COL4A1: variants seen among roughly 807,000 people sequenced by gnomAD.
The protein encoded by COL4A1 is collagen alpha-1(IV) chain.
Under a neutral mutation model 216.6 loss-of-function variants are expected in COL4A1, and 40 were observed. The observed-to-expected ratio is 0.18, with a 90% CI of 0.14 to 0.24. The LOEUF (loss-of-function observed/expected upper bound fraction) is 0.24, where lower values mean the gene tolerates loss of function less well. COL4A1 is among the 10% of genes least tolerant of loss of function. The pLI, the probability that COL4A1 is intolerant of heterozygous loss-of-function variation, is 1.00. For missense variants in COL4A1, 1,628 were observed against 2,196.8 expected, an observed-to-expected ratio of 0.74 and a Z score of 5.18; for synonymous variants, 839 against 810.7, an observed-to-expected ratio of 1.03 and a Z score of -0.59.
At position 110,206,206 on chromosome 13, in the gene COL4A1, A is replaced by G. The variant is rs374965533; in HGVS notation, c.858+459T>C. 3.3e-5 allele frequency among the ~76,000 whole-genome samples: 5 copies of G among 152,352 alleles called. No homozygotes were observed. The South Asian group carries it at 1.0e-3, about 32-fold the overall frequency. ...TGCTTCATTTAATGCAGGTTTCTGC[A>G]TGCTCCTTCCAGGTAGAAACCAGAA... On this transcript the variant is annotated intron_variant, in intron 15 of 51. Coordinates refer to ENST00000375820, the MANE Select transcript of COL4A1 (RefSeq NM_001845.6).
chr13:110,205,049 T>A (rs1879425973), intron 17 of COL4A1, among the ~76,000 whole-genome samples: 1 of 152,158 alleles, frequency 6.6e-6, no homozygotes, highest in Admixed American at 6.5e-5. Flanking sequence ...ACAGAAAAAA[T>A]TAGGTAAGCT....
chr13:110,209,801 G>A, intron 10 of COL4A1, 179 bp downstream of exon 10: 1 of 805,930 alleles, frequency 1.2e-6, no homozygotes, highest in Non-Finnish European at 2.2e-6. Flanking sequence ...CACAGCTCTG[G>A]GTATATGGGT....
chr13:110,218,693 C>T (rs903529070), intron 2 of COL4A1, among the ~76,000 whole-genome samples: 3 of 152,170 alleles, frequency 2.0e-5, no homozygotes, highest in African/African-American at 7.2e-5. Context: ...GTCGCCTTTG[C>T]AGTCCAAGCA....
rs1883063741 is a variant in COL4A1, at chr13:110,267,049, T to C, written c.85-24315A>G. Among the ~76,000 whole-genome samples, 7 of 152,224 alleles carry C rather than the reference T, an allele frequency of 4.6e-5. No homozygotes were observed. In the South Asian group the frequency reaches 1.5e-3, roughly 32 times the overall value. On this transcript the variant is annotated intron_variant, in intron 1 of 51. Coordinates refer to ENST00000375820, the MANE Select transcript of COL4A1 (RefSeq NM_001845.6). ...CCAGGGACCAGCAGCCAAGGGCAAA[T>C]GTGAAGCAAGCCTTTTTGAGCAGAT...
intron 1 of COL4A1, among the ~76,000 whole-genome samples, chr13:110,279,046 G>A (rs1046170715): frequency 1.3e-5 from 2 of 152,088 alleles, no homozygotes; most frequent in Non-Finnish European, 2.9e-5. Flanking sequence ...TGCTTTGCCC[G>A]GGGTCTTCCA....
At chr13:110,155,642 G>A (rs957853304) in intron 49 of COL4A1, among the ~76,000 whole-genome samples, 1 of 152,200 alleles carries the variant, frequency 6.6e-6, no homozygotes, top group African/African-American at 2.4e-5. Flanking sequence ...TGGGGGCGGT[G>A]GCTCATGTCT....
chr13:110,165,321 A>C lies in COL4A1; in HGVS notation c.4022-331T>G, dbSNP rs192641481. On this transcript the variant is annotated intron_variant, in intron 45 of 51. Coordinates refer to ENST00000375820, the MANE Select transcript of COL4A1 (RefSeq NM_001845.6). ...GGAGAGAAGCTTGTTCTTCCCAAGC[A>C]GCCCCCGCTTCTGACGTGGAGAGTG... 5.9e-5 allele frequency among the ~76,000 whole-genome samples: 9 copies of C among 152,254 alleles called. No homozygotes were observed. The East Asian group carries it at 1.7e-3, about 30-fold the overall frequency.
intron 44 of COL4A1, 69 bp from the exon 45 acceptor site, chr13:110,166,372 ATC>A (rs1877337375): frequency 1.0e-5 from 10 of 971,074 alleles, no homozygotes; most frequent in South Asian, 3.8e-5. Context: ...GTGTGTATAT[ATC>A]TCTCTCTAGT....
chr13:110,300,740 G>A (rs9515182), intron 1 of COL4A1, among the ~76,000 whole-genome samples: 23,716 of 152,184 alleles, frequency 0.16, 1,949 homozygotes, highest in South Asian at 0.2. Context: ...ATGTGTATGT[G>A]TATGTATTAC....
intron 2 of COL4A1, among the ~76,000 whole-genome samples, chr13:110,219,848 A>ATATATGTATATATATG (rs1566385753): frequency 1.3e-5 from 1 of 74,788 alleles, no homozygotes. Context: ...ATATATGTGT[A>ATATATGTATATATATG]TATATATGTA....
rs192701674 is a variant in COL4A1, at chr13:110,281,926, C to T, written c.84+25018G>A. Among the ~76,000 whole-genome samples the T allele has an allele frequency of 1.1e-3, 168 of 152,326 alleles. 1 individual carries two copies. Among genetic ancestry groups the T allele is most frequent in the African/African-American group, 3.9e-3 (161 of 41,568 alleles). On this transcript the variant is annotated intron_variant, in intron 1 of 51. Transcript: ENST00000375820. ...TTTCGCATTCCCCTGGCCACCTTCC[C>T]TGCTCAGATCTCCATCAGTTTATGC...
intron 42 of COL4A1, among the ~76,000 whole-genome samples, chr13:110,170,103 A>C (rs1877551506): frequency 1.6e-5 from 1 of 61,908 alleles, no homozygotes; most frequent in Non-Finnish European, 3.1e-5. Flanking sequence ...GGGAGAGAGG[A>C]AGGGAGGAAA....
At position 110,201,634 on chromosome 13, in the gene COL4A1, T is replaced by C. The variant is rs766011179; in HGVS notation, c.1000-112A>G. The C allele has an allele frequency of 1.1e-5, 11 of 996,102 alleles. 1 individual carries two copies. In the South Asian group the frequency reaches 1.4e-4, roughly 13 times the overall value. The allele number at this position is 996,102 out of a possible 1,614,324, so 61.7% of individuals were successfully genotyped here. On this transcript the variant is annotated intron_variant, in intron 18 of 51. Coordinates refer to ENST00000375820, the MANE Select transcript of COL4A1 (RefSeq NM_001845.6). ...ATATTTGTTTTTATTTCAAGAAATA[T>C]GAAAGTGAAGTAGCAGCAATGGTAG...
intron 36 of COL4A1, 109 bp downstream of exon 36, chr13:110,176,315 C>T (rs1271388516): frequency 5.7e-5 from 45 of 785,036 alleles, no homozygotes; most frequent in Middle Eastern, 3.5e-4. Context: ...GAAAGACACA[C>T]GTGCCTGGAT....
chr13:110,190,033 T>C (rs1346673359), intron 24 of COL4A1, among the ~76,000 whole-genome samples: 1 of 152,208 alleles, frequency 6.6e-6, no homozygotes, highest in Admixed American at 6.5e-5. Context: ...ATTATATTAT[T>C]TTATGGTGAT....
chr13:110,151,996 C>A (rs1267808102), intron 51 of COL4A1, among the ~76,000 whole-genome samples: 1 of 152,204 alleles, frequency 6.6e-6, no homozygotes, highest in Non-Finnish European at 1.5e-5. Flanking sequence ...GAACGCTGCT[C>A]ACTTCTTCTC....
At chr13:110,246,436 G>C (rs908199045) in intron 1 of COL4A1, among the ~76,000 whole-genome samples, 2 of 152,096 alleles carry the variant, frequency 1.3e-5, no homozygotes, top group African/African-American at 4.8e-5. Flanking sequence ...TAAAAGTCAG[G>C]TAATGCAAGT....
intron 51 of COL4A1, among the ~76,000 whole-genome samples, chr13:110,151,527 C>T (rs1223165608): frequency 6.6e-6 from 1 of 152,132 alleles, no homozygotes; most frequent in East Asian, 1.9e-4. Flanking sequence ...TGTTGTTCTG[C>T]CTCTTACTAT....
intron 2 of COL4A1, among the ~76,000 whole-genome samples, chr13:110,226,334 C>G (rs1230806025): frequency 1.3e-5 from 2 of 152,182 alleles, no homozygotes; most frequent in East Asian, 1.9e-4. Flanking sequence ...TTTATTCTGT[C>G]AGGTCAGCCT....
Sources: gnomAD v4.1 joint callset for allele counts (sites outside exome capture counted in the v4.1 genomes callset) on GRCh38, gnomAD v4.1.1 for gene constraint, MANE v1.5 for transcripts, NCBI Gene and HGNC (gene_info 2026-07-23, HGNC 2026-07-21) for gene names.